RNF144A: variants seen among roughly 807,000 people sequenced by gnomAD.
RNF144A encodes the protein ring finger protein 144A.
In RNF144A, 11 loss-of-function variants were observed where a neutral mutation model predicts 38.7. The ratio of observed to expected loss-of-function variants is 0.28; its 90% confidence interval spans 0.18 to 0.47. The LOEUF (loss-of-function observed/expected upper bound fraction) is 0.47. Ranked by LOEUF, RNF144A falls within the 20% of genes least tolerant of loss-of-function variation. RNF144A has a pLI of 0.99. For missense variants in RNF144A, 316 were observed against 377.2 expected (o/e 0.84, Z 1.34); for synonymous variants, 149 against 143.9 (o/e 1.04, Z -0.25).
intron 2 of RNF144A, among the ~76,000 whole-genome samples, chr2:6,947,872 T>A (rs1053346019): frequency 6.6e-6 from 1 of 152,312 alleles, no homozygotes; most frequent in South Asian, 2.1e-4. Flanking sequence ...TTGTTCATTA[T>A]ACAATGGGAA....
chr2:7,024,288 C>T (rs1671726430), intron 6 of RNF144A, 81 bp from the exon 7 acceptor site: 5 of 1,256,008 alleles, frequency 4.0e-6, no homozygotes, highest in Non-Finnish European at 3.2e-6. Flanking sequence ...GAAGTGGAGC[C>T]GATGCTTCCA....
chr2:6,972,757 C>T (rs1572303250), intron 2 of RNF144A, among the ~76,000 whole-genome samples: 1 of 152,208 alleles, frequency 6.6e-6, no homozygotes, highest in Non-Finnish European at 1.5e-5. Flanking sequence ...TCCTGAGCCA[C>T]GTCCAGGCCC....
intron 2 of RNF144A, among the ~76,000 whole-genome samples, chr2:6,993,895 A>T (rs1234385862): frequency 1.3e-5 from 2 of 152,044 alleles, no homozygotes; most frequent in Non-Finnish European, 2.9e-5. Context: ...TATATATTAG[A>T]TATATTATTC....
At chr2:7,071,021 A>G (rs1674463251), downstream of RNF144A, among the ~76,000 whole-genome samples, 1 of 146,118 alleles carries the variant, frequency 6.8e-6, no homozygotes, top group Admixed American at 7.2e-5. Context: ...TACAACCTCC[A>G]TCTCCCAGGT....
At position 6,935,786 on chromosome 2, in the gene RNF144A, A is replaced by G. The variant is rs775740084; in HGVS notation, c.-211-5162A>G. 3.3e-5 allele frequency among the ~76,000 whole-genome samples: 5 copies of G among 152,168 alleles called. No individual in the cohort carries two copies. In the South Asian group the frequency reaches 8.3e-4, roughly 25 times the overall value. ...ATGGGATGGCCTCTCACCTTGTGTC[A>G]CCAGGCCACCCTCACGAGCCCATGC... On this transcript the variant is annotated intron_variant, in intron 1 of 8. Coordinates refer to ENST00000320892, the MANE Select transcript of RNF144A (RefSeq NM_014746.6).
intron 5 of RNF144A, among the ~76,000 whole-genome samples, chr2:7,019,319 C>CGG (rs1671356100): frequency 6.6e-6 from 1 of 152,198 alleles, no homozygotes; most frequent in South Asian, 2.1e-4. Context: ...CTGCTGGTCC[C>CGG]GTGGCAATGC....
At chr2:7,001,153 A>T (rs935198261) in intron 3 of RNF144A, among the ~76,000 whole-genome samples, 1 of 151,994 alleles carries the variant, frequency 6.6e-6, no homozygotes, top group African/African-American at 2.4e-5. Context: ...TACAAAAAGT[A>T]TCTGGGCGTG....
chr2:7,014,211 C>G (rs151245715), intron 3 of RNF144A, among the ~76,000 whole-genome samples: 1 of 152,208 alleles, frequency 6.6e-6, no homozygotes, highest in Non-Finnish European at 1.5e-5. Flanking sequence ...GTGCCGGGAT[C>G]TAACCCATAG....
intron 2 of RNF144A, among the ~76,000 whole-genome samples, chr2:6,986,263 A>T (rs1472023486): frequency 3.3e-5 from 5 of 150,130 alleles, no homozygotes; most frequent in Non-Finnish European, 4.4e-5. Flanking sequence ...TTTTTTTTTT[A>T]AAGCTTTCGG....
downstream of RNF144A, chr2:7,068,338 G>A: frequency 1.1e-6 from 1 of 921,188 alleles, no homozygotes; most frequent in African/African-American, 1.7e-5. Context: ...CATTTGGGTA[G>A]TGGCACCGTG....
chr2:6,964,713 C>T (rs912532648), intron 2 of RNF144A, among the ~76,000 whole-genome samples: 26 of 151,734 alleles, frequency 1.7e-4, no homozygotes, highest in African/African-American at 6.1e-4. Context: ...AGTAAACTAT[C>T]GCAAGAACAA....
intron 2 of RNF144A, among the ~76,000 whole-genome samples, chr2:6,996,216 C>T (rs1294681876): frequency 1.3e-5 from 2 of 152,230 alleles, no homozygotes; most frequent in African/African-American, 4.8e-5. Flanking sequence ...GACCCTTCCA[C>T]CCAGGCTTGT....
chr2:7,018,814 G>A (rs1192651308), intron 5 of RNF144A, among the ~76,000 whole-genome samples: 2 of 151,938 alleles, frequency 1.3e-5, no homozygotes, highest in East Asian at 3.9e-4. Context: ...AGCGTTCCTT[G>A]TTATTATCAA....
intron 6 of RNF144A, among the ~76,000 whole-genome samples, chr2:7,051,257 C>G (rs1010490056): frequency 6.6e-5 from 10 of 152,142 alleles, no homozygotes. Flanking sequence ...AGTAAAGCCG[C>G]AGACGCCCCA....
chr2:6,950,405 T>C (rs1389178984), intron 2 of RNF144A, among the ~76,000 whole-genome samples: 5 of 152,240 alleles, frequency 3.3e-5, no homozygotes, highest in Admixed American at 3.3e-4. Flanking sequence ...TTTGATAATG[T>C]TGGCGTCGAT....
chr2:7,059,632 G>A (rs1673878348), intron 6 of RNF144A, among the ~76,000 whole-genome samples: 1 of 152,190 alleles, frequency 6.6e-6, no homozygotes, highest in African/African-American at 2.4e-5. Flanking sequence ...GGGACCAGCT[G>A]GAGGCAGATA....
chr2:7,021,414 C>T (rs1322123125), intron 6 of RNF144A, among the ~76,000 whole-genome samples: 3 of 152,150 alleles, frequency 2.0e-5, no homozygotes, highest in Admixed American at 6.5e-5. Context: ...TCCCCAGCTC[C>T]TGTTCCTTTC....
At chr2:6,980,579 G>A (rs1388941306) in intron 2 of RNF144A, among the ~76,000 whole-genome samples, 2 of 152,214 alleles carry the variant, frequency 1.3e-5, no homozygotes, top group Non-Finnish European at 2.9e-5. Context: ...GGCTCTCACG[G>A]CCTTGGGCAG....
chr2:7,031,234 G>T (rs926876516), intron 8 of RNF144A, among the ~76,000 whole-genome samples: 1 of 152,146 alleles, frequency 6.6e-6, no homozygotes, highest in African/African-American at 2.4e-5. Context: ...AAGGACCCTC[G>T]TGTTGGTTAA....
Sources: gnomAD v4.1 joint callset for allele counts (sites outside exome capture counted in the v4.1 genomes callset) on GRCh38, gnomAD v4.1.1 for gene constraint, MANE v1.5 for transcripts, NCBI Gene and HGNC (gene_info 2026-07-23, HGNC 2026-07-21) for gene names.